The following SLC2A7 variants were observed in gnomAD, a reference collection of about 807,000 sequenced individuals.
SLC2A7 encodes solute carrier family 2 member 7, also known as solute carrier family 2, facilitated glucose transporter member 7.
In SLC2A7, 50 loss-of-function variants were observed where a neutral mutation model predicts 50.5. The observed-to-expected ratio is 0.99, with a 90% CI of 0.79 to 1.25. The LOEUF (loss-of-function observed/expected upper bound fraction) is 1.25. Among genes scored for constraint, SLC2A7 ranks in the 50% most tolerant of loss-of-function variants. SLC2A7 has a pLI of 0.00. For synonymous variants in SLC2A7, 308 were observed against 300.4 expected (o/e 1.03, Z -0.26); for missense variants, 683 against 679.1 (o/e 1.01, Z -0.06).
intron 4 of SLC2A7, among the ~76,000 whole-genome samples, chr1:9,018,595 C>A (rs1200649268): frequency 6.6e-6 from 1 of 152,216 alleles, no homozygotes; most frequent in Non-Finnish European, 1.5e-5. Flanking sequence ...ATGAGGAGAC[C>A]TTTTCCTTTC....
chr1:9,023,838 C>CT (rs1162143987), intron 2 of SLC2A7, among the ~76,000 whole-genome samples: 500 of 17,154 alleles, frequency 0.029, 67 homozygotes, highest in South Asian at 0.04. Context: ...TATTCTTCTT[C>CT]TTTTTTTTTT....
At chr1:9,007,487 C>T (rs972895802) in intron 9 of SLC2A7, 102 bp from the exon 10 acceptor site, 1 of 1,095,758 alleles carries the variant, frequency 9.1e-7, no homozygotes, top group Non-Finnish European at 1.3e-6. Context: ...GGAGCTGCAC[C>T]TAGATGTCTG....
chr1:9,013,618 G>A lies in SLC2A7; in HGVS notation c.921C>T (p.Asp307=), dbSNP rs776063738. 3.1e-6 allele frequency: 5 copies of A among 1,613,904 alleles called. No individual in the cohort carries two copies. In the Admixed American group the frequency reaches 8.3e-5, roughly 27 times the overall value. Residue 307 remains aspartate (D), a synonymous_variant, in exon 8 of 12, where the codon GAC becomes GAT. Coordinates refer to ENST00000400906, the MANE Select transcript of SLC2A7 (RefSeq NM_207420.3). Reference sequence around the variant, plus strand: ...CCACGCCCGCAGATGTGTAGATGGTGTCCGCATAGTAGTTGATCTAAACAA... The same window carrying A: ...CCACGCCCGCAGATGTGTAGATGGTATCCGCATAGTAGTTGATCTAAACAA... ...SGINAINYYA[D]TIYTSAGVEA...
intron 5 of SLC2A7, among the ~76,000 whole-genome samples, chr1:9,017,601 T>C (rs1388570636): frequency 6.6e-6 from 1 of 152,200 alleles, no homozygotes; most frequent in Admixed American, 6.5e-5. Context: ...AAACGGACAA[T>C]TTCCCCTCTA....
At chr1:9,025,190 G>A in intron 1 of SLC2A7, 116 bp from the exon 2 acceptor site, 1 of 1,067,964 alleles carries the variant, frequency 9.4e-7, no homozygotes, top group Non-Finnish European at 1.4e-6. Context: ...GGGATCCCAG[G>A]CCGTGCCCCC....
At chr1:9,023,835 CTTCTTTTTTT>C (rs1640953209) in intron 2 of SLC2A7, among the ~76,000 whole-genome samples, 6 of 65,980 alleles carry the variant, frequency 9.1e-5, no homozygotes, top group Non-Finnish European at 1.2e-4. Context: ...AAATATTCTT[CTTCTTTTTTT>C]TTTTTTTTTT....
Position 9,018,371 on chromosome 1 carries a change from G to A in SLC2A7, c.441C>T (p.Ile147=), listed in dbSNP as rs981277862. 1.1e-5 allele frequency: 17 copies of A among 1,613,324 alleles called. No homozygotes were observed. Among genetic ancestry groups the A allele is most frequent in the Non-Finnish European group, 1.4e-5 (17 of 1,180,024 alleles). ...SRVVLGVCAG[I]SYSALPMYLG... ...GGTACATGGGAAGGGCGCTGTAGGA[G>A]ATGCCTGGTTTGGGCACAGCAGAAA... Residue 147 remains isoleucine (I), a synonymous_variant, in exon 5 of 12, where the codon ATC becomes ATT. Transcript: ENST00000400906.
the SLC2A7 span, among the ~76,000 whole-genome samples, chr1:8,997,664 CT>C: frequency 2.0e-5 from 3 of 152,126 alleles, no homozygotes; most frequent in Non-Finnish European, 4.4e-5. Context: ...TCCCAAAGTG[CT>C]AGGATTACAG....
chr1:9,018,315 C>G lies in SLC2A7; in HGVS notation c.497G>C (p.Gly166Ala). 6.2e-7 allele frequency: 1 copy of G among 1,614,186 alleles called. No individual in the cohort carries two copies. Among genetic ancestry groups the G allele is most frequent in the Non-Finnish European group, 8.5e-7 (1 of 1,180,042 alleles). Residue 166 changes from glycine (G) to alanine (A), a missense_variant, in exon 5 of 12, where the codon GGC becomes GCC. Gly to Ala is a moderately conservative substitution (Grantham distance 60). Transcript: ENST00000400906. ...LGELAPKNLR[G>A]MVGTMTEVFV... is the part of the protein sequence containing the mutation. ...AACCTCGGTCATTGTTCCCACCATG[C>G]CTCTCAGGTTCTTGGGGGCCAGTTC...
chr1:9,006,869 T>C (rs1004175930), intron 10 of SLC2A7, among the ~76,000 whole-genome samples: 8 of 152,048 alleles, frequency 5.3e-5, no homozygotes, highest in East Asian at 1.9e-4. Context: ...CAACAGGACA[T>C]TGGGGACAGT....
intron 3 of SLC2A7, among the ~76,000 whole-genome samples, chr1:9,022,699 C>T (rs1331396165): frequency 2.0e-5 from 3 of 152,000 alleles, no homozygotes; most frequent in South Asian, 2.1e-4. Flanking sequence ...TGGCAGGTGA[C>T]GGAAGGGAAT....
At chr1:8,994,215 C>T in the SLC2A7 span, among the ~76,000 whole-genome samples, 1 of 152,246 alleles carries the variant, frequency 6.6e-6, no homozygotes, top group Non-Finnish European at 1.5e-5. Flanking sequence ...CACCAGGCCT[C>T]ATCCTGAGCC....
the SLC2A7 span, among the ~76,000 whole-genome samples, chr1:8,992,844 C>T: frequency 6.6e-6 from 1 of 152,138 alleles, no homozygotes. Context: ...TCAGAAGCTC[C>T]AGGATTCCAG....
At chr1:9,007,277 T>A (rs936065316) in intron 10 of SLC2A7, 33 bp downstream of exon 10, 6 of 1,611,808 alleles carry the variant, frequency 3.7e-6, no homozygotes, top group South Asian at 1.1e-5. Context: ...TGGACCAGGA[T>A]GGCCGGGGCG....
rs750849950 is a variant in SLC2A7, at chr1:9,007,344, GAC to G, written c.1156_1157del (p.Val386LeufsTer112). The G allele has an allele frequency of 6.8e-6, 11 of 1,614,144 alleles. No individual in the cohort carries two copies. The East Asian group carries it at 2.4e-4, about 36-fold the overall frequency. ...TGGAATGTCCCGCGATGTAGGCAAA[GAC>G]ACAGATGATGCCGAGGTAGGACAGC... ...PELSYLGIICVFAYIAGHSIG... is the reference protein window; with the variant it reads ...PELSYLGIICXFAYIAGHSIG... On this transcript the variant is annotated frameshift_variant, in exon 10 of 12. Coordinates refer to ENST00000400906, the MANE Select transcript of SLC2A7 (RefSeq NM_207420.3). LOFTEE classifies it high-confidence loss of function.
chr1:8,994,944 C>A, the SLC2A7 span, among the ~76,000 whole-genome samples: 1 of 151,256 alleles, frequency 6.6e-6, no homozygotes, highest in Non-Finnish European at 1.5e-5. Context: ...CTATTTTTTA[C>A]ATTTTTAGTA....
chr1:8,999,162 T>G (rs1182902756), downstream of SLC2A7, among the ~76,000 whole-genome samples: 1 of 152,010 alleles, frequency 6.6e-6, no homozygotes, highest in Non-Finnish European at 1.5e-5. Flanking sequence ...TTCTTTTTTG[T>G]TTTTTTGCCC....
downstream of SLC2A7, among the ~76,000 whole-genome samples, chr1:9,000,774 G>C (rs1640563211): frequency 6.6e-6 from 1 of 151,770 alleles, no homozygotes; most frequent in African/African-American, 2.4e-5. Context: ...GTGTGTGTGT[G>C]TGTGTGTGTG....
downstream of SLC2A7, among the ~76,000 whole-genome samples, chr1:9,000,215 T>C (rs1640556081): frequency 6.6e-6 from 1 of 152,070 alleles, no homozygotes; most frequent in Non-Finnish European, 1.5e-5. Context: ...TTCAGTGCTT[T>C]GGGAGGCTGA....
Sources: gnomAD v4.1 joint callset for allele counts (sites outside exome capture counted in the v4.1 genomes callset) on GRCh38, gnomAD v4.1.1 for gene constraint, MANE v1.5 for transcripts, NCBI Gene and HGNC (gene_info 2026-07-23, HGNC 2026-07-21) for gene names.